Variants in METRNL observed in about 807,000 individuals in gnomAD.
METRNL encodes meteorin like, glial cell differentiation regulator, also known as meteorin-like protein.
METRNL carries 9 observed loss-of-function variants against 17.4 expected under a neutral mutation model. The observed-to-expected ratio is 0.52, with a 90% CI of 0.31 to 0.90. METRNL has a LOEUF of 0.90. Among genes scored for constraint, METRNL ranks in the 40% least tolerant of loss-of-function variants. The pLI is 0.05. For missense variants in METRNL, 408 were observed against 430.7 expected (o/e 0.95, Z 0.47); for synonymous variants, 215 against 199.3 (o/e 1.08, Z -0.66).
intron 1 of METRNL, 104 bp downstream of exon 1, chr17:83,080,089 G>T (rs1442343522): frequency 3.1e-6 from 2 of 655,240 alleles, no homozygotes; most frequent in Non-Finnish European, 3.8e-6. Flanking sequence ...CGGGCGCGGG[G>T]CAGGGGCTCC....
At chr17:83,091,251 C>T (rs1213671741) in intron 2 of METRNL, among the ~76,000 whole-genome samples, 2 of 144,554 alleles carry the variant, frequency 1.4e-5, no homozygotes, top group African/African-American at 4.9e-5. Flanking sequence ...GGCCTCGAGG[C>T]GCTCAGCAGG....
At chr17:83,085,580 C>T (rs1038207718) in intron 2 of METRNL, among the ~76,000 whole-genome samples, 3 of 152,140 alleles carry the variant, frequency 2.0e-5, no homozygotes, top group Non-Finnish European at 2.9e-5. Flanking sequence ...CTAAACTAAA[C>T]CATCTTGGAA....
intron 3 of METRNL, 131 bp from the exon 4 acceptor site, chr17:83,094,125 C>T (rs567751413): frequency 1.4e-4 from 100 of 702,020 alleles, no homozygotes; most frequent in African/African-American, 3.4e-4. Context: ...GGAATTTCCA[C>T]GCTAGATGGC....
intron 2 of METRNL, among the ~76,000 whole-genome samples, chr17:83,085,718 T>A (rs1005579280): frequency 2.6e-5 from 4 of 152,022 alleles, no homozygotes; most frequent in African/African-American, 9.7e-5. Flanking sequence ...ATGGTGAGCA[T>A]CCCCCTGTGG....
chr17:83,079,944 G>A lies in METRNL; in HGVS notation c.129G>A (p.Ala43=). The A allele has an allele frequency of 9.9e-7, 1 of 1,013,560 alleles. No homozygotes were observed. Among genetic ancestry groups the A allele is most frequent in the South Asian group, 4.5e-5 (1 of 22,388 alleles). The allele number at this position is 1,013,560 out of a possible 1,614,324, so 62.8% of individuals were successfully genotyped here. Reference sequence around the variant, plus strand: ...TCCTGGCCGGGCTGCTGGGCGGCGCGGGCGCGCAGTACTCCAGCGACCGGT... The same window carrying A: ...TCCTGGCCGGGCTGCTGGGCGGCGCAGGCGCGCAGTACTCCAGCGACCGGT... ...LLLLAGLLGG[A]GAQYSSDRCS... is the part of the protein sequence containing the mutation. Residue 43 remains alanine (A), a synonymous_variant, in exon 1 of 4, where the codon GCG becomes GCA. Coordinates refer to ENST00000320095, the MANE Select transcript of METRNL (RefSeq NM_001004431.3).
At chr17:83,082,915 G>A (rs989817421) in intron 1 of METRNL, among the ~76,000 whole-genome samples, 1 of 152,254 alleles carries the variant, frequency 6.6e-6, no homozygotes, top group Non-Finnish European at 1.5e-5. Flanking sequence ...TCTGGTTGGA[G>A]TCCCGTTGGT....
At chr17:83,084,832 G>A in intron 1 of METRNL, 106 bp from the exon 2 acceptor site, 1 of 1,439,668 alleles carries the variant, frequency 6.9e-7, no homozygotes, top group Non-Finnish European at 9.3e-7. Context: ...GGGTCCAGGA[G>A]CCGCCATCAT....
chr17:83,090,160 G>A (rs2038103198), intron 2 of METRNL, among the ~76,000 whole-genome samples: 1 of 124,192 alleles, frequency 8.1e-6, no homozygotes, highest in South Asian at 2.8e-4. Flanking sequence ...CCCCAGGGTG[G>A]GAGCCACACA....
chr17:83,089,052 A>G (rs1300253614), intron 2 of METRNL, among the ~76,000 whole-genome samples: 4 of 148,720 alleles, frequency 2.7e-5, no homozygotes, highest in Non-Finnish European at 5.9e-5. Flanking sequence ...AGGGAGGGAG[A>G]AAGGGAGGCA....
chr17:83,089,665 G>A (rs565003945), intron 2 of METRNL, among the ~76,000 whole-genome samples: 4 of 152,190 alleles, frequency 2.6e-5, no homozygotes, highest in South Asian at 4.2e-4. Context: ...CCCTGGAGAC[G>A]AGGTGCAATG....
chr17:83,090,948 G>A (rs561638804), intron 2 of METRNL, among the ~76,000 whole-genome samples: 1 of 152,304 alleles, frequency 6.6e-6, no homozygotes, highest in South Asian at 2.1e-4. Flanking sequence ...CGGCGAGTGG[G>A]ATGGGGGTCC....
At chr17:83,089,894 C>G (rs981298142) in intron 2 of METRNL, among the ~76,000 whole-genome samples, 1 of 152,098 alleles carries the variant, frequency 6.6e-6, no homozygotes, top group African/African-American at 2.4e-5. Context: ...GCAGGCGAGG[C>G]TGCAGGCACT....
At chr17:83,085,366 A>G in intron 2 of METRNL, 43 bp downstream of exon 2, 1 of 1,509,698 alleles carries the variant, frequency 6.6e-7, no homozygotes, top group Non-Finnish European at 8.8e-7. Flanking sequence ...CCTCGTCATC[A>G]CGGGGCTGGT....
chr17:83,084,853 T>C, intron 1 of METRNL, 85 bp from the exon 2 acceptor site: 8 of 1,505,838 alleles, frequency 5.3e-6, no homozygotes, highest in Non-Finnish European at 7.1e-6. Context: ...TTGGAGCGGG[T>C]ATCGTCCTCA....
At chr17:83,086,304 C>T (rs1029468843) in intron 2 of METRNL, among the ~76,000 whole-genome samples, 19 of 152,200 alleles carry the variant, frequency 1.2e-4, no homozygotes, top group African/African-American at 4.3e-4. Flanking sequence ...AGTGTAGGAC[C>T]GTCTGCCTGG....
chr17:83,086,098 A>T (rs2038050107), intron 2 of METRNL, among the ~76,000 whole-genome samples: 1 of 152,142 alleles, frequency 6.6e-6, no homozygotes, highest in South Asian at 2.1e-4. Context: ...TTCTGTGGGT[A>T]GACACCAGGA....
rs2037962258 is a variant in METRNL at position 83,079,926 on chromosome 17, C to T, written c.111C>T (p.Ala37=). Residue 37 remains alanine (A), a synonymous_variant, in exon 1 of 4, where the codon GCC becomes GCT. Transcript: ENST00000320095. ...TCCCGCTGCTGCTCCTGCTCCTGGC[C>T]GGGCTGCTGGGCGGCGCGGGCGCGC... ...PPLPLLLLLL[A]GLLGGAGAQY... 1 of 1,006,346 alleles carries T rather than the reference C, an allele frequency of 9.9e-7. No individual in the cohort carries two copies. The highest frequency in any genetic ancestry group is 1.2e-6 in the Non-Finnish European group (1 of 845,632). 62.3% of individuals were successfully genotyped at this position (1,006,346 alleles called of 1,614,324 possible). A position where few individuals can be genotyped will look rare whatever the true frequency, so the allele number is the denominator to read the frequency against.
In METRNL at chr17:83,094,408, C is replaced by G; in HGVS notation, c.769C>G (p.Leu257Val). The change falls in exon 4 of 4, where the codon CTG becomes GTG. Residue 257 changes from leucine to valine, a missense_variant. Physicochemically the swap from Leu to Val is conservative, Grantham distance 32. Transcript: ENST00000320095. ...DGHWQGRVRT[L>V]LECGVRPGHG... ...CCACTGGCAGGGGCGCGTCAGGACG[C>G]TGCTGGAGTGTGGCGTGCGGCCGGG... The G allele has an allele frequency of 4.4e-6, 7 of 1,607,512 alleles. No homozygotes were observed. The highest frequency in any genetic ancestry group is 6.0e-6 in the Non-Finnish European group (7 of 1,176,122).
At chr17:83,089,997 C>T (rs969168562) in intron 2 of METRNL, among the ~76,000 whole-genome samples, 61 of 152,160 alleles carry the variant, frequency 4.0e-4, no homozygotes, top group Middle Eastern at 3.4e-3. Context: ...TCCTCCCCCT[C>T]GGCCGTCCGC....
Sources: gnomAD v4.1 joint callset for allele counts (sites outside exome capture counted in the v4.1 genomes callset) on GRCh38, gnomAD v4.1.1 for gene constraint, MANE v1.5 for transcripts, NCBI Gene and HGNC (gene_info 2026-07-23, HGNC 2026-07-21) for gene names.